The following SIPA1L1 variants were observed in gnomAD, a reference collection of about 807,000 sequenced individuals.
SIPA1L1 encodes signal-induced proliferation-associated 1-like protein 1.
SIPA1L1 carries 26 observed loss-of-function variants against 162.7 expected under a neutral mutation model. The observed-to-expected ratio is 0.16, with a 90% confidence interval of 0.12 to 0.22. The LOEUF (loss-of-function observed/expected upper bound fraction) is 0.22. Among genes scored for constraint, SIPA1L1 ranks in the 10% least tolerant of loss-of-function variants. The pLI is 1.00. For synonymous variants in SIPA1L1, 829 were observed against 837.4 expected (o/e 0.99, Z 0.17); for missense variants, 1,874 against 2,241.0 (o/e 0.84, Z 3.31).
intron 5 of SIPA1L1, among the ~76,000 whole-genome samples, chr14:71,607,267 G>A (rs935618800): frequency 2.6e-5 from 4 of 151,036 alleles, no homozygotes; most frequent in Non-Finnish European, 4.4e-5. Flanking sequence ...GACTGCCCTC[G>A]GCATAATAGA....
At chr14:71,626,782 A>T (rs1684401577) in intron 7 of SIPA1L1, among the ~76,000 whole-genome samples, 1 of 152,112 alleles carries the variant, frequency 6.6e-6, no homozygotes. Context: ...AATATATTTT[A>T]TGTTTTTATT....
At chr14:71,416,544 C>T (rs2042774501) in intron 2 of SIPA1L1, among the ~76,000 whole-genome samples, 1 of 152,014 alleles carries the variant, frequency 6.6e-6, no homozygotes, top group Non-Finnish European at 1.5e-5. Flanking sequence ...TGTTATACAT[C>T]CATTCTTACT....
chr14:71,402,718 G>C (rs1266440711), intron 2 of SIPA1L1, among the ~76,000 whole-genome samples: 3 of 152,086 alleles, frequency 2.0e-5, no homozygotes, highest in Non-Finnish European at 2.9e-5. Flanking sequence ...CCATGTCCTA[G>C]GATTGTTGTA....
chr14:71,702,194 T>C, intron 14 of SIPA1L1, 187 bp from the exon 15 acceptor site: 2 of 595,106 alleles, frequency 3.4e-6, no homozygotes, highest in South Asian at 4.2e-5. Context: ...GAGTGGTGTA[T>C]ATTGACCACA....
At chr14:71,430,203 T>G (rs1367547181) in intron 2 of SIPA1L1, among the ~76,000 whole-genome samples, 1 of 152,224 alleles carries the variant, frequency 6.6e-6, no homozygotes, top group East Asian at 1.9e-4. Flanking sequence ...CTAGTTTCCC[T>G]TAAAGGACTG....
chr14:71,605,907 G>A (rs1044125557), intron 5 of SIPA1L1, among the ~76,000 whole-genome samples: 2 of 152,150 alleles, frequency 1.3e-5, no homozygotes, highest in Non-Finnish European at 2.9e-5. Context: ...AGTTGTTGGA[G>A]TCCTGGGCCC....
At chr14:71,728,839 G>A (rs1160282197) in intron 19 of SIPA1L1, among the ~76,000 whole-genome samples, 2 of 152,178 alleles carry the variant, frequency 1.3e-5, no homozygotes, top group Non-Finnish European at 2.9e-5. Flanking sequence ...CAAATGCTCT[G>A]TTGCCTTTCA....
intron 2 of SIPA1L1, among the ~76,000 whole-genome samples, chr14:71,365,228 A>G (rs1316314439): frequency 6.6e-6 from 1 of 151,816 alleles, no homozygotes; most frequent in African/African-American, 2.4e-5. Flanking sequence ...TGCACAGGCT[A>G]GTCTTGAACT....
At chr14:71,498,564 C>G (rs1666129505) in intron 2 of SIPA1L1, among the ~76,000 whole-genome samples, 1 of 152,174 alleles carries the variant, frequency 6.6e-6, no homozygotes, top group Non-Finnish European at 1.5e-5. Flanking sequence ...CCCTGAAATT[C>G]ATCTGAGGAG....
rs141568208 is a variant in SIPA1L1, at chr14:71,503,073, T to C, written c.-464-9670T>C. 5.6e-3 allele frequency among the ~76,000 whole-genome samples: 855 copies of C among 152,308 alleles called. 10 individuals are homozygous for C. The highest frequency in any genetic ancestry group is 8.1e-3 in the Non-Finnish European group (553 of 68,010). ...GTAGTCATCATGTCCCTGACCTCTA[T>C]TGAAAAAATGTGCTTGATAAATTTT... On this transcript the variant is annotated intron_variant, in intron 2 of 23. Coordinates refer to ENST00000381232, the MANE Select transcript of SIPA1L1 (RefSeq NM_001386936.1).
At chr14:71,671,744 T>C (rs954359808) in intron 11 of SIPA1L1, 52 bp downstream of exon 11, 1 of 1,407,148 alleles carries the variant, frequency 7.1e-7, no homozygotes, top group South Asian at 1.4e-5. Context: ...CATAAAGTTT[T>C]CAATACAGAC....
chr14:71,574,089 C>CA, intron 4 of SIPA1L1: 2 of 185,538 alleles, frequency 1.1e-5, no homozygotes, highest in African/African-American at 2.4e-5. Context: ...ATTTCTACAA[C>CA]AAAAATCTTG....
chr14:71,493,788 G>A (rs1033517719), intron 2 of SIPA1L1, among the ~76,000 whole-genome samples: 2 of 152,146 alleles, frequency 1.3e-5, no homozygotes, highest in African/African-American at 2.4e-5. Context: ...TTTGGAAAAC[G>A]TCAGATATTT....
intron 2 of SIPA1L1, among the ~76,000 whole-genome samples, chr14:71,422,836 A>G (rs1434944958): frequency 6.6e-6 from 1 of 152,172 alleles, no homozygotes; most frequent in East Asian, 1.9e-4. Flanking sequence ...TTTGTTGGTA[A>G]ATACCCAGAA....
In SIPA1L1 at chr14:71,627,131, C is replaced by CT. The variant is rs71105788; in HGVS notation, c.1818+2938dup. ...TGATGCCTTTCTGGGACTTTCACTA[C>CT]TTTTTTTTTTTTTTTTTTTTTTTTT... On this transcript the variant is annotated intron_variant, in intron 7 of 23. Transcript: ENST00000381232. Among the ~76,000 whole-genome samples the CT allele has an allele frequency of 1.2e-3, 59 of 48,782 alleles. 5 individuals carry two copies. Among genetic ancestry groups the CT allele is most frequent in the Non-Finnish European group, 1.7e-3 (47 of 27,978 alleles). The allele number at this position is 48,782 out of a possible 152,430, so 32.0% of individuals were successfully genotyped here. A position where few individuals can be genotyped will look rare whatever the true frequency, so the allele number is the denominator to read the frequency against.
chr14:71,595,434 C>T (rs2035918331), intron 5 of SIPA1L1, among the ~76,000 whole-genome samples: 1 of 152,172 alleles, frequency 6.6e-6, no homozygotes, highest in South Asian at 2.1e-4. Flanking sequence ...TCTAGTTTTA[C>T]TTCAACTCCC....
intron 6 of SIPA1L1, among the ~76,000 whole-genome samples, chr14:71,623,791 C>T (rs1821720395): frequency 6.6e-6 from 1 of 152,144 alleles, no homozygotes; most frequent in African/African-American, 2.4e-5. Flanking sequence ...TATTTTTTGT[C>T]TTTAAATAAA....
chr14:71,679,175 G>A (rs566503348), intron 12 of SIPA1L1, among the ~76,000 whole-genome samples: 12 of 152,244 alleles, frequency 7.9e-5, no homozygotes, highest in African/African-American at 2.9e-4. Context: ...AGTGTTAAGG[G>A]CAGCCAGATA....
In SIPA1L1 at chr14:71,519,352, A is replaced by G. The variant is rs369435819; in HGVS notation, c.-362+6507A>G. Among the ~76,000 whole-genome samples the G allele has an allele frequency of 1.1e-4, 16 of 152,282 alleles. No homozygotes were observed. The East Asian group carries it at 2.5e-3, about 24-fold the overall frequency. On this transcript the variant is annotated intron_variant, in intron 3 of 23. Coordinates refer to ENST00000381232, the MANE Select transcript of SIPA1L1 (RefSeq NM_001386936.1). ...ATCCTATGGATGTAGATATATGTGT[A>G]GATGTATAACACACATGCATTTATA...
Sources: allele counts gnomAD v4.1 joint callset (sites outside exome capture counted in the v4.1 genomes callset), GRCh38; gene constraint gnomAD v4.1.1; transcripts MANE v1.5; gene names NCBI Gene and HGNC (gene_info 2026-07-23, HGNC 2026-07-21).